SORCS2: variants seen among roughly 807,000 people sequenced by gnomAD.
The protein encoded by SORCS2 is VPS10 domain-containing receptor SorCS2.
A neutral mutation model predicts 141.6 loss-of-function variants in SORCS2; 100 were observed. The ratio of observed to expected loss-of-function variants is 0.71; its 90% CI spans 0.60 to 0.83. The LOEUF is 0.83. Ranked by LOEUF, SORCS2 falls within the 40% of genes least tolerant of loss-of-function variation. The pLI is 0.00. For missense variants in SORCS2, 1,646 were observed against 1,560.2 expected, an observed-to-expected ratio of 1.05 and a Z score of -0.93; for synonymous variants, 789 against 676.9, an observed-to-expected ratio of 1.17 and a Z score of -2.57.
chr4:7,646,540 G>A (rs917437253), intron 4 of SORCS2, among the ~76,000 whole-genome samples: 2 of 152,132 alleles, frequency 1.3e-5, no homozygotes, highest in South Asian at 4.1e-4. Context: ...CAGGCAGGAG[G>A]ATCGATTGAG....
intron 3 of SORCS2, among the ~76,000 whole-genome samples, chr4:7,617,710 C>A (rs1261285596): frequency 6.6e-6 from 1 of 152,168 alleles, no homozygotes; most frequent in African/African-American, 2.4e-5. Flanking sequence ...ATATTCCGAG[C>A]AACTTTTAGT....
chr4:7,212,460 T>C (rs1457020962), intron 1 of SORCS2, among the ~76,000 whole-genome samples: 7 of 152,248 alleles, frequency 4.6e-5, no homozygotes, highest in Admixed American at 4.6e-4. Flanking sequence ...AGAACCAGAA[T>C]GTCCAGGGGG....
rs773545696 is a variant in SORCS2, at chr4:7,633,937, T to C, written c.649-4391T>C. 4.1e-4 allele frequency among the ~76,000 whole-genome samples: 50 copies of C among 121,344 alleles called. 13 individuals carry two copies. The highest frequency in any genetic ancestry group is 2.1e-3 in the Admixed American group (23 of 11,126). The allele number at this position is 121,344 out of a possible 152,430, so 79.6% of individuals were successfully genotyped here. On this transcript the variant is annotated intron_variant, in intron 3 of 26. Transcript: ENST00000507866. ...CTGTATCATGGAAAAAGTGCTTTAATGAGGGGGATTTGGGCTTCCCTGGCC... is the reference window on the plus strand; with the variant it reads ...CTGTATCATGGAAAAAGTGCTTTAACGAGGGGGATTTGGGCTTCCCTGGCC...
At position 7,542,675 on chromosome 4, in the gene SORCS2, T is replaced by C. The variant is rs919785537; in HGVS notation, c.648+11046T>C. Among the ~76,000 whole-genome samples, 5 of 152,212 alleles carry C rather than the reference T, an allele frequency of 3.3e-5. No individual in the cohort carries two copies. In the East Asian group the frequency reaches 9.6e-4, roughly 29 times the overall value. On this transcript the variant is annotated intron_variant, in intron 3 of 26. Transcript: ENST00000507866. ...CATTTCCACTGTTTGAAGGCACCAG[T>C]GTGTGACACTTTGTCTCGGAAGCCC...
chr4:7,712,570 G>C (rs747182220), intron 14 of SORCS2, among the ~76,000 whole-genome samples, 163 bp from the exon 15 acceptor site: 1 of 152,226 alleles, frequency 6.6e-6, no homozygotes, highest in Admixed American at 6.5e-5. Context: ...GGCCAGGCTC[G>C]GTGACCGGGG....
intron 22 of SORCS2, among the ~76,000 whole-genome samples, chr4:7,729,321 C>A (rs890621765): frequency 6.6e-6 from 1 of 152,064 alleles, no homozygotes; most frequent in Non-Finnish European, 1.5e-5. Context: ...GAAGAATGGA[C>A]TGAGGGCCAG....
intron 13 of SORCS2, 104 bp downstream of exon 13, chr4:7,703,475 G>A: frequency 1.1e-6 from 1 of 892,158 alleles, no homozygotes. Flanking sequence ...TCCCCTCGGG[G>A]ACACATGATC....
chr4:7,302,388 G>T (rs1017607944), intron 1 of SORCS2, among the ~76,000 whole-genome samples: 5 of 152,180 alleles, frequency 3.3e-5, no homozygotes, highest in African/African-American at 1.2e-4. Flanking sequence ...CTCCATGCTG[G>T]TCCATGGCTG....
rs906193359 is a variant in SORCS2 at position 7,284,188 on chromosome 4, C to T, written c.480+91062C>T. On this transcript the variant is annotated intron_variant, in intron 1 of 26. Transcript: ENST00000507866. ...AAGCTCCTTCCCTGGCCATTTTCAA[C>T]TGGGACAGGGCAGGAGGGCATCCTA... 2.6e-5 allele frequency among the ~76,000 whole-genome samples: 4 copies of T among 152,296 alleles called. No individual in the cohort carries two copies. In the East Asian group the frequency reaches 7.7e-4, roughly 29 times the overall value.
intron 2 of SORCS2, among the ~76,000 whole-genome samples, chr4:7,498,268 A>C (rs888342317): frequency 2.0e-5 from 3 of 152,312 alleles, no homozygotes. Context: ...GGTTCTGTGG[A>C]CATGGGTGAC....
intron 2 of SORCS2, 151 bp from the exon 3 acceptor site, chr4:7,531,379 A>G: frequency 3.1e-6 from 2 of 642,876 alleles, no homozygotes; most frequent in Middle Eastern, 3.9e-4. Flanking sequence ...GTCGGCATAC[A>G]CTGCCCCCAG....
At chr4:7,605,673 C>T (rs1307729443) in intron 3 of SORCS2, among the ~76,000 whole-genome samples, 2 of 152,142 alleles carry the variant, frequency 1.3e-5, no homozygotes, top group African/African-American at 4.8e-5. Context: ...AGAAAGAGGC[C>T]GTCTCCCTGG....
At position 7,726,897 on chromosome 4, in the gene SORCS2, G is replaced by A; in HGVS notation, c.2863G>A (p.Val955Met). 2 of 1,613,122 alleles carry A rather than the reference G, an allele frequency of 1.2e-6. No homozygotes were observed. Among genetic ancestry groups the A allele is most frequent in the East Asian group, 2.2e-5 (1 of 44,868 alleles). The change falls in exon 21 of 27, where the codon GTG (valine) becomes ATG (methionine). Residue 955 changes from valine (V) to methionine (M), a missense_variant. Physicochemically the swap from Val to Met is conservative, Grantham distance 21 (BLOSUM62 1). Transcript: ENST00000507866. ...SVLQDSRVLRVLDQFQVMPLQ... is the reference protein window; with the variant it reads ...SVLQDSRVLRMLDQFQVMPLQ... The stretch of plus-strand genomic sequence containing the variant: ...GCTGCAGGACTCCAGGGTCCTCCGT[G>A]TGCTGGGTAAGTACTTCCTGGGGTC...
At chr4:7,521,899 C>G (rs367904908) in intron 2 of SORCS2, among the ~76,000 whole-genome samples, 1 of 152,236 alleles carries the variant, frequency 6.6e-6, no homozygotes, top group Admixed American at 6.5e-5. Context: ...ACAGCGGCTG[C>G]GTCTTCAAGC....
At chr4:7,335,659 C>A (rs1252425465) in intron 1 of SORCS2, among the ~76,000 whole-genome samples, 2 of 152,238 alleles carry the variant, frequency 1.3e-5, no homozygotes, top group African/African-American at 4.8e-5. Flanking sequence ...ACGCACACAG[C>A]CCCTTCAGGC....
chr4:7,547,219 G>A (rs1577729826), intron 3 of SORCS2, among the ~76,000 whole-genome samples: 1 of 152,176 alleles, frequency 6.6e-6, no homozygotes, highest in Non-Finnish European at 1.5e-5. Flanking sequence ...TCTTAATACT[G>A]GGCCTGTCTC....
chr4:7,602,783 G>T (rs571527601), intron 3 of SORCS2, among the ~76,000 whole-genome samples: 1 of 152,138 alleles, frequency 6.6e-6, no homozygotes, highest in Non-Finnish European at 1.5e-5. Flanking sequence ...CTGCAATCTC[G>T]GCACTTTGGG....
intron 2 of SORCS2, among the ~76,000 whole-genome samples, chr4:7,453,549 G>GCTGTGTGTTGGGGTCAGGTT (rs1728635634): frequency 6.9e-6 from 1 of 144,112 alleles, no homozygotes; most frequent in African/African-American, 2.6e-5. Flanking sequence ...GGGGTCAGGT[G>GCTGTGTGTTGGGGTCAGGTT]CTGTGTGTTG....
chr4:7,509,524 C>T (rs1732482849), intron 2 of SORCS2, among the ~76,000 whole-genome samples: 2 of 152,178 alleles, frequency 1.3e-5, no homozygotes, highest in African/African-American at 4.8e-5. Context: ...TACTCACCCG[C>T]ACTCGCCACT....
Sources: allele counts gnomAD v4.1 joint callset (sites outside exome capture counted in the v4.1 genomes callset), GRCh38; gene constraint gnomAD v4.1.1; transcripts MANE v1.5; gene names NCBI Gene and HGNC (gene_info 2026-07-23, HGNC 2026-07-21).